The following GNG12 variants were observed in gnomAD, a reference collection of about 807,000 sequenced individuals.
GNG12 encodes the protein guanine nucleotide-binding protein G(I)/G(S)/G(O) subunit gamma-12.
For missense variants in GNG12, 69 were observed against 83.8 expected (o/e 0.82, Z 0.69); for synonymous variants, 28 against 29.7 (o/e 0.94, Z 0.19).
chr1:67,701,634 T>C lies in GNG12; in HGVS notation c.*3817A>G, dbSNP rs1292274664. On this transcript the variant is annotated 3_prime_UTR_variant, in exon 4 of 4. Coordinates refer to ENST00000370982, the MANE Select transcript of GNG12 (RefSeq NM_018841.6). Reference sequence around the variant, plus strand: ...TTTTATTCTTTCCATAGGACATATTTCCAAATAATGATCACAGTATTATGG... The same window carrying C: ...TTTTATTCTTTCCATAGGACATATTCCCAAATAATGATCACAGTATTATGG... The C allele has an allele frequency of 6.6e-6, 1 of 152,626 alleles. No homozygotes were observed. The highest frequency in any genetic ancestry group is 1.5e-5 in the Non-Finnish European group (1 of 68,036). 9.5% of individuals were successfully genotyped at this position (152,626 alleles called of 1,614,324 possible).
chr1:67,809,692 C>T (rs1165730697), intron 1 of GNG12, among the ~76,000 whole-genome samples: 1 of 152,124 alleles, frequency 6.6e-6, no homozygotes, highest in South Asian at 2.1e-4. Context: ...TTCAATATTA[C>T]GTCACTGGGG....
At chr1:67,828,316 T>G (rs1647022429) in intron 1 of GNG12, among the ~76,000 whole-genome samples, 1 of 152,184 alleles carries the variant, frequency 6.6e-6, no homozygotes, top group East Asian at 1.9e-4. Flanking sequence ...CATGTTTCTC[T>G]TGATTAGTTT....
At chr1:67,828,935 A>C (rs928727797) in intron 1 of GNG12, among the ~76,000 whole-genome samples, 18 of 152,246 alleles carry the variant, frequency 1.2e-4, no homozygotes, top group African/African-American at 3.9e-4. Flanking sequence ...TTTTTCCAAA[A>C]CAACAATAAA....
chr1:67,745,794 A>G (rs1192884655), intron 2 of GNG12, among the ~76,000 whole-genome samples: 1 of 152,248 alleles, frequency 6.6e-6, no homozygotes, highest in Non-Finnish European at 1.5e-5. Context: ...AATGACGTGT[A>G]GCACCTATCA....
intron 1 of GNG12, among the ~76,000 whole-genome samples, chr1:67,804,849 ATGTTTG>A (rs1646886139): frequency 6.6e-6 from 1 of 152,118 alleles, no homozygotes; most frequent in African/African-American, 2.4e-5. Context: ...AAGGGGAAGC[ATGTTTG>A]TGAGTTTTAC....
At chr1:67,772,138 A>T (rs1397441898) in intron 2 of GNG12, among the ~76,000 whole-genome samples, 3 of 152,210 alleles carry the variant, frequency 2.0e-5, no homozygotes, top group Non-Finnish European at 4.4e-5. Flanking sequence ...TGACATAATG[A>T]TGGAAAACAT....
chr1:67,739,450 G>A (rs1010206821), intron 2 of GNG12, among the ~76,000 whole-genome samples: 1 of 152,176 alleles, frequency 6.6e-6, no homozygotes, highest in African/African-American at 2.4e-5. Flanking sequence ...TATGTGGTAG[G>A]TCCCATATAG....
intron 2 of GNG12, among the ~76,000 whole-genome samples, chr1:67,761,149 G>A (rs1445803739): frequency 2.6e-5 from 4 of 152,220 alleles, no homozygotes; most frequent in East Asian, 1.9e-4. Flanking sequence ...GACCTTGGTC[G>A]GTTTTCCTGA....
intron 1 of GNG12, among the ~76,000 whole-genome samples, chr1:67,783,358 T>A (rs1267960182): frequency 1.3e-5 from 2 of 152,200 alleles, no homozygotes; most frequent in African/African-American, 4.8e-5. Context: ...TTCTCTAAAT[T>A]CCTAACGGTG....
intron 1 of GNG12, among the ~76,000 whole-genome samples, chr1:67,798,847 G>A (rs55700165): frequency 0.26 from 39,148 of 151,816 alleles, 5,218 homozygotes; most frequent in Middle Eastern, 0.42. Flanking sequence ...CCAGCTACTC[G>A]GGAGGCTGAG....
intron 2 of GNG12, among the ~76,000 whole-genome samples, chr1:67,758,114 G>C (rs1269786630): frequency 6.6e-6 from 1 of 152,100 alleles, no homozygotes; most frequent in Non-Finnish European, 1.5e-5. Context: ...TGGGATTACA[G>C]GCACCCACGA....
At chr1:67,809,726 T>C (rs545181229) in intron 1 of GNG12, among the ~76,000 whole-genome samples, 32 of 152,204 alleles carry the variant, frequency 2.1e-4, no homozygotes, top group Non-Finnish European at 3.5e-4. Context: ...AACAACGAGA[T>C]ACCACCACAC....
chr1:67,757,697 C>T (rs1646578086), intron 2 of GNG12, among the ~76,000 whole-genome samples: 1 of 152,186 alleles, frequency 6.6e-6, no homozygotes, highest in Non-Finnish European at 1.5e-5. Context: ...CAAACTCCCT[C>T]TCCATCTCCT....
chr1:67,808,385 A>G (rs1646905062), intron 1 of GNG12, among the ~76,000 whole-genome samples: 1 of 152,134 alleles, frequency 6.6e-6, no homozygotes. Flanking sequence ...CTGCTCTATG[A>G]CTAGGAAAAA....
chr1:67,799,462 G>A (rs1646851847), intron 1 of GNG12, among the ~76,000 whole-genome samples: 1 of 152,220 alleles, frequency 6.6e-6, no homozygotes, highest in South Asian at 2.1e-4. Context: ...ATGTTTATTT[G>A]TCCTGACTTT....
intron 3 of GNG12, among the ~76,000 whole-genome samples, chr1:67,707,129 A>G (rs1169068141): frequency 6.6e-6 from 1 of 152,204 alleles, no homozygotes; most frequent in Non-Finnish European, 1.5e-5. Flanking sequence ...CTGGGCACAG[A>G]AAGTGGTCAC....
rs142259471 is a variant in GNG12, at chr1:67,802,827, G to GTC, written c.-76-25322_-76-25321dup. ...GTTTCCTGCTATAGCAAAGCTGGGTGTCTCTCTCTCTCCCTACACATGACC... is the reference window on the plus strand; with the variant it reads ...GTTTCCTGCTATAGCAAAGCTGGGTGTCTCTCTCTCTCTCCCTACACATGACC... On this transcript the variant is annotated intron_variant, in intron 1 of 3. Transcript: ENST00000370982. Among the ~76,000 whole-genome samples, 6 of 151,636 alleles carry GTC rather than the reference G, an allele frequency of 4.0e-5. 1 individual carries two copies. In the South Asian group the frequency reaches 6.2e-4, roughly 16 times the overall value.
intron 1 of GNG12, among the ~76,000 whole-genome samples, chr1:67,809,553 AAT>A (rs1646911801): frequency 6.6e-6 from 1 of 152,196 alleles, no homozygotes; most frequent in South Asian, 2.1e-4. Flanking sequence ...TGTTATCCAA[AAT>A]ATATATAAAG....
intron 2 of GNG12, among the ~76,000 whole-genome samples, chr1:67,708,895 T>C (rs1344500292): frequency 1.3e-5 from 2 of 152,168 alleles, no homozygotes; most frequent in Non-Finnish European, 2.9e-5. Flanking sequence ...TACAGCTGAA[T>C]AATGTAATTC....
Sources: gnomAD v4.1 joint callset for allele counts (sites outside exome capture counted in the v4.1 genomes callset) on GRCh38, gnomAD v4.1.1 for gene constraint, MANE v1.5 for transcripts, NCBI Gene and HGNC (gene_info 2026-07-23, HGNC 2026-07-21) for gene names.